DAZL: variants seen among roughly 807,000 people sequenced by gnomAD.
The protein encoded by DAZL is deleted in azoospermia-like.
In DAZL, 4 loss-of-function variants were observed where a neutral mutation model predicts 45.0. That is an observed-to-expected ratio of 0.09 (90% CI 0.04 to 0.20). DAZL has a LOEUF of 0.20. Among genes scored for constraint, DAZL ranks in the 10% least tolerant of loss-of-function variants. The probability of loss-of-function intolerance (pLI) is 1.00; values close to 1 mark genes in which losing one functional copy is unlikely to be tolerated. For synonymous variants in DAZL, 122 were observed against 112.4 expected (o/e 1.09, Z -0.54); for missense variants, 326 against 351.3 (o/e 0.93, Z 0.58).
chr3:16,592,226 AATG>A (rs1420983847), intron 9 of DAZL, 78 bp from the exon 10 acceptor site: 16 of 1,556,586 alleles, frequency 1.0e-5, no homozygotes, highest in Middle Eastern at 2.3e-4. Flanking sequence ...TTGATAGTTT[AATG>A]AATATATTAC....
In DAZL at chr3:16,605,251, G is replaced by A. The variant is rs374894961; in HGVS notation, c.-46C>T. On this transcript the variant is annotated 5_prime_UTR_variant, in exon 1 of 11. Transcript: ENST00000399444. ...CCCGACCGGCTCCAGGAGGAGCAGA[G>A]GCTGTGCTTGGCGCACCACTTCTGG... 7 of 1,613,464 alleles carry A rather than the reference G, an allele frequency of 4.3e-6. No individual in the cohort carries two copies. The highest frequency in any genetic ancestry group is 3.3e-5 in the Admixed American group (2 of 60,030).
chr3:16,594,478 C>T (rs1378004586), intron 8 of DAZL, 55 bp downstream of exon 8: 1 of 1,269,394 alleles, frequency 7.9e-7, no homozygotes, highest in African/African-American at 1.6e-5. Flanking sequence ...TATAGTTAAA[C>T]AAAAAAAAAT....
At chr3:16,594,398 A>G (rs1694565918) in intron 8 of DAZL, 135 bp downstream of exon 8, 2 of 678,704 alleles carry the variant, frequency 2.9e-6, no homozygotes, top group Non-Finnish European at 4.8e-6. Flanking sequence ...AAAGTAACAA[A>G]ATGTAACACA....
chr3:16,593,806 TAC>T lies in DAZL; in HGVS notation c.622-40_622-39del, dbSNP rs751196539. ...TAATGAAAGTGTAATTAAACAGATA[TAC>T]AGATATATTTAAAAGCCACTTATTC... On this transcript the variant is annotated intron_variant, in intron 8 of 10. Transcript: ENST00000399444. 9.8e-6 allele frequency: 13 copies of T among 1,330,190 alleles called. No individual in the cohort carries two copies. The Admixed American group carries it at 1.4e-4, about 14-fold the overall frequency. The allele number at this position is 1,330,190 out of a possible 1,614,324, so 82.4% of individuals were successfully genotyped here.
intron 7 of DAZL, among the ~76,000 whole-genome samples, chr3:16,595,068 C>T (rs1694577927): frequency 6.6e-6 from 1 of 152,028 alleles, no homozygotes; most frequent in Non-Finnish European, 1.5e-5. Flanking sequence ...TGCTGAAATA[C>T]AGAAGGGGAC....
Position 16,588,503 on chromosome 3 carries a change from G to T in DAZL, c.*157C>A, listed in dbSNP as rs897969672. On this transcript the variant is annotated 3_prime_UTR_variant, in exon 11 of 11. Transcript: ENST00000399444. ...AGTTTCTAAATAAACATCTAATGAA[G>T]AACAGTTTAAGATAAAACTAGAGAG... The T allele has an allele frequency of 3.1e-6, 2 of 642,892 alleles. No individual in the cohort carries two copies. The highest frequency in any genetic ancestry group is 2.7e-5 in the East Asian group (1 of 36,732). 39.8% of individuals were successfully genotyped at this position (642,892 alleles called of 1,614,324 possible).
At chr3:16,589,224 G>T (rs1694482510) in intron 10 of DAZL, among the ~76,000 whole-genome samples, 2 of 151,244 alleles carry the variant, frequency 1.3e-5, no homozygotes, top group Admixed American at 1.3e-4. Flanking sequence ...GAAAGAAAGA[G>T]AAAAAATTTA....
At chr3:16,601,978 A>G (rs1357437866) in intron 1 of DAZL, among the ~76,000 whole-genome samples, 1 of 152,242 alleles carries the variant, frequency 6.6e-6, no homozygotes, top group African/African-American at 2.4e-5. Context: ...CTGACCAGGA[A>G]AAAGGCTATA....
chr3:16,594,661 T>C (rs1450193588), intron 7 of DAZL, 78 bp from the exon 8 acceptor site: 12 of 934,808 alleles, frequency 1.3e-5, no homozygotes, highest in Non-Finnish European at 1.9e-5. Flanking sequence ...ATACACAATA[T>C]TGAAGTACTT....
At chr3:16,588,780 G>T in intron 10 of DAZL, 67 bp from the exon 11 acceptor site, 1 of 1,299,238 alleles carries the variant, frequency 7.7e-7, no homozygotes, top group Non-Finnish European at 1.1e-6. Flanking sequence ...AGATCTGAAA[G>T]TTGTCAAAAA....
At chr3:16,597,373 G>GA (rs748851765) in intron 4 of DAZL, 117 bp downstream of exon 4, 11 of 828,164 alleles carry the variant, frequency 1.3e-5, no homozygotes, top group Non-Finnish European at 2.0e-5. Context: ...TCTAAGTTTG[G>GA]ATTTTTTTGA....
chr3:16,602,117 G>A (rs903511843), intron 1 of DAZL, among the ~76,000 whole-genome samples: 2 of 152,096 alleles, frequency 1.3e-5, no homozygotes, highest in East Asian at 1.9e-4. Flanking sequence ...GATTCTTGGG[G>A]AGTTGGGGGT....
At chr3:16,590,015 G>T (rs1694493104) in intron 10 of DAZL, among the ~76,000 whole-genome samples, 1 of 152,116 alleles carries the variant, frequency 6.6e-6, no homozygotes, top group Non-Finnish European at 1.5e-5. Context: ...TGAGGTTGTA[G>T]TAAGCTGTGA....
rs778650896 is a variant in DAZL at position 16,588,667 on chromosome 3, G to C, written c.881C>G (p.Ser294Cys). The change falls in exon 11 of 11, where the codon TCT becomes TGT. Residue 294 changes from serine to cysteine, a missense_variant. Ser to Cys is a moderately radical substitution (Grantham distance 112). Transcript: ENST00000399444. The part of the protein sequence containing the change: ...HFRRSRAMLK[S>C]V ...CTAGATAAGCCAGGAGGATCAAACA[G>C]ATTTAAGCATTGCCCGACTTCTTCT... 2 of 1,610,588 alleles carry C rather than the reference G, an allele frequency of 1.2e-6. No homozygotes were observed. Among genetic ancestry groups the C allele is most frequent in the South Asian group, 1.1e-5 (1 of 90,992 alleles).
At position 16,588,039 on chromosome 3, in the gene DAZL, G is replaced by T. The variant is rs567660236; in HGVS notation, c.*621C>A. ...TACCCTAATCAAATAGGATATATAT[G>T]TGTGGATTCTAGCTAAAAGATAAAA... On this transcript the variant is annotated 3_prime_UTR_variant, in exon 11 of 11. Coordinates refer to ENST00000399444, the MANE Select transcript of DAZL (RefSeq NM_001351.4). The T allele has an allele frequency of 1.3e-5, 2 of 156,518 alleles. No individual in the cohort carries two copies. The highest frequency in any genetic ancestry group is 6.7e-3 in the Middle Eastern group (2 of 298). 9.7% of individuals were successfully genotyped at this position (156,518 alleles called of 1,614,324 possible).
At chr3:16,592,022 T>C (rs1225478534) in intron 10 of DAZL, 28 bp downstream of exon 10, 1 of 1,602,980 alleles carries the variant, frequency 6.2e-7, no homozygotes, top group Non-Finnish European at 8.5e-7. Flanking sequence ...GTGTGCTTTT[T>C]AATTGTGCGT....
chr3:16,600,854 G>C (rs1375387170), intron 1 of DAZL, among the ~76,000 whole-genome samples: 1 of 152,308 alleles, frequency 6.6e-6, no homozygotes, highest in Non-Finnish European at 1.5e-5. Flanking sequence ...AAGAGGTCAT[G>C]ATAATGCATT....
At chr3:16,592,929 T>G (rs1394195365) in intron 9 of DAZL, among the ~76,000 whole-genome samples, 2 of 152,176 alleles carry the variant, frequency 1.3e-5, no homozygotes, top group Non-Finnish European at 2.9e-5. Context: ...AGTGATAGTA[T>G]TATTATGGAA....
At position 16,605,362 on chromosome 3, in the gene DAZL, C is replaced by T. The variant is rs944576748; in HGVS notation, c.-157G>A. On this transcript the variant is annotated 5_prime_UTR_variant, in exon 1 of 11. Coordinates refer to ENST00000399444, the MANE Select transcript of DAZL (RefSeq NM_001351.4). ...ATGAAGAGAAAAGGAAAACCAAGAG[C>T]GGGTGACAAGGCTGAGGAGCCCCGA... is the stretch of plus-strand genomic sequence containing the variant. 15 of 920,952 alleles carry T rather than the reference C, an allele frequency of 1.6e-5. No homozygotes were observed. The highest frequency in any genetic ancestry group is 1.4e-4 in the South Asian group (10 of 72,998). The allele number at this position is 920,952 out of a possible 1,614,324, so 57.0% of individuals were successfully genotyped here. A position where few individuals can be genotyped will look rare whatever the true frequency, so the allele number is the denominator to read the frequency against.
Sources: gnomAD v4.1 joint callset for allele counts (sites outside exome capture counted in the v4.1 genomes callset) on GRCh38, gnomAD v4.1.1 for gene constraint, MANE v1.5 for transcripts, NCBI Gene and HGNC (gene_info 2026-07-23, HGNC 2026-07-21) for gene names.